The following ACTN1 variants were observed in gnomAD, a reference collection of about 807,000 sequenced individuals.
The protein encoded by ACTN1 is actinin alpha 1, also known as alpha-actinin-1.
A neutral mutation model predicts 119.6 loss-of-function variants in ACTN1; 30 were observed. That is an observed-to-expected ratio of 0.25 (90% CI 0.19 to 0.34). The LOEUF (loss-of-function observed/expected upper bound fraction) is 0.34. ACTN1 is among the 10% of genes least tolerant of loss of function. ACTN1 has a pLI of 1.00. For synonymous variants in ACTN1, 429 were observed against 472.6 expected, an observed-to-expected ratio of 0.91 and a Z score of 1.20; for missense variants, 764 against 1,223.4, an observed-to-expected ratio of 0.62 and a Z score of 5.60.
At chr14:68,948,701 C>T (rs749684352) in intron 1 of ACTN1, among the ~76,000 whole-genome samples, 1 of 152,166 alleles carries the variant, frequency 6.6e-6, no homozygotes, top group African/African-American at 2.4e-5. Context: ...TTCTCCAATG[C>T]CAAATCCCAA....
chr14:68,965,073 G>A (rs934481917), intron 1 of ACTN1, among the ~76,000 whole-genome samples: 6 of 152,164 alleles, frequency 3.9e-5, no homozygotes, highest in African/African-American at 1.4e-4. Flanking sequence ...AGGTGTTCTG[G>A]AGCCCACCTG....
chr14:68,974,440 T>C lies in ACTN1; in HGVS notation c.105+4512A>G, dbSNP rs192195003. ...TAAATTTAAAAATTTTAAACTATAATAGAAGAATGATAAGGGAGAATGGGA... is the reference window on the plus strand; with the variant it reads ...TAAATTTAAAAATTTTAAACTATAACAGAAGAATGATAAGGGAGAATGGGA... On this transcript the variant is annotated intron_variant, in intron 1 of 21. Transcript: ENST00000394419. 1.3e-3 allele frequency among the ~76,000 whole-genome samples: 196 copies of C among 152,138 alleles called. 4 individuals carry two copies. In the South Asian group the frequency reaches 0.021, roughly 16 times the overall value.
At position 68,885,773 on chromosome 14, in the gene ACTN1, C is replaced by A; in HGVS notation, c.1235-198G>T. 1 of 621,364 alleles carries A rather than the reference C, an allele frequency of 1.6e-6. No individual in the cohort carries two copies. Among genetic ancestry groups the A allele is most frequent in the Non-Finnish European group, 2.8e-6 (1 of 358,966 alleles). The allele number at this position is 621,364 out of a possible 1,614,324, so 38.5% of individuals were successfully genotyped here. On this transcript the variant is annotated intron_variant, in intron 11 of 21. Coordinates refer to ENST00000394419, the MANE Select transcript of ACTN1 (RefSeq NM_001130004.2). This position sits in a 1 kb window ranked among gnomAD's most constrained non-coding sequence, Gnocchi z 5.6. ...CCAACCGGCGCAACGGGGAAAAGCA[C>A]TCTCCTCAGAGCACTTCCAAGGCCA...
rs1410511565 is a variant in ACTN1, at chr14:68,878,839, G to A, written c.2361+150C>T. 1.3e-6 allele frequency: 2 copies of A among 1,594,930 alleles called. No homozygotes were observed. Among genetic ancestry groups the A allele is most frequent in the Admixed American group, 3.3e-5 (2 of 59,718 alleles). On this transcript the variant is annotated intron_variant, in intron 19 of 21. Coordinates refer to ENST00000394419, the MANE Select transcript of ACTN1 (RefSeq NM_001130004.2). The surrounding 1 kb of genome is among the most constrained non-coding windows in gnomAD (Gnocchi z 4.4). ...AGAGGGCAGAGGGTGGACCAGTGAT[G>A]GGGCAGACAGAGACAGCAGGAGAGG...
chr14:68,967,050 C>A (rs2036730175), intron 1 of ACTN1, among the ~76,000 whole-genome samples: 1 of 152,232 alleles, frequency 6.6e-6, no homozygotes. Context: ...ATTGGACGCA[C>A]CAGCTCAGAG....
At chr14:68,917,651 G>C (rs181521248) in intron 3 of ACTN1, among the ~76,000 whole-genome samples, 2 of 152,172 alleles carry the variant, frequency 1.3e-5, no homozygotes, top group East Asian at 3.8e-4. Context: ...TCAGCAGAGC[G>C]GCCATTGTGG....
chr14:68,966,170 T>C (rs557567106), intron 1 of ACTN1, among the ~76,000 whole-genome samples: 31 of 152,100 alleles, frequency 2.0e-4, no homozygotes, highest in Non-Finnish European at 3.7e-4. Flanking sequence ...TAAGCTGAGA[T>C]CATGCCACTG....
chr14:68,902,460 C>G lies in ACTN1; in HGVS notation c.762+17G>C, dbSNP rs772468485. 6.2e-7 allele frequency: 1 copy of G among 1,610,996 alleles called. No homozygotes were observed. The highest frequency in any genetic ancestry group is 1.7e-5 in the Admixed American group (1 of 59,954). ...GGAGGTGTGCTGGGCATGGAAGGAG[C>G]AGGGGGCCCCGGGTACCTTCTGGGC... is the stretch of plus-strand genomic sequence containing the variant. On this transcript the variant is annotated intron_variant, in intron 8 of 21. Transcript: ENST00000394419.
intron 10 of ACTN1, among the ~76,000 whole-genome samples, chr14:68,890,633 A>G (rs1303360719): frequency 2.0e-5 from 3 of 149,432 alleles, no homozygotes; most frequent in Admixed American, 6.7e-5. Flanking sequence ...GAGGTCACAC[A>G]TGTGCTAAGG....
intron 1 of ACTN1, 24 bp downstream of exon 1, chr14:68,978,926 TGC>T (rs1566689068): frequency 2.7e-6 from 4 of 1,479,530 alleles, no homozygotes; most frequent in Non-Finnish European, 3.7e-6. Context: ...GGCTGGGGGC[TGC>T]AGCGGGCGGG....
rs76874375 is a variant in ACTN1, at chr14:68,933,696, C to T, written c.106-8024G>A. On this transcript the variant is annotated intron_variant, in intron 1 of 21. Transcript: ENST00000394419. ...AATGAAGAAGAGACAGAAATCTGAA[C>T]TTATGCTGGGTGTAGTGGCTTATGC... is the stretch of plus-strand genomic sequence containing the variant. 6.9e-3 allele frequency among the ~76,000 whole-genome samples: 1,042 copies of T among 152,014 alleles called. 13 individuals carry two copies. Among genetic ancestry groups the T allele is most frequent in the African/African-American group, 0.024 (979 of 41,476 alleles).
chr14:68,971,499 T>C (rs1327398009), intron 1 of ACTN1, among the ~76,000 whole-genome samples: 2 of 152,304 alleles, frequency 1.3e-5, no homozygotes, highest in East Asian at 1.9e-4. Flanking sequence ...AATGGCTCCC[T>C]TTAAGAGTCA....
chr14:68,928,490 C>T (rs1373847729), intron 1 of ACTN1, among the ~76,000 whole-genome samples: 2 of 152,078 alleles, frequency 1.3e-5, no homozygotes, highest in African/African-American at 2.4e-5. Flanking sequence ...GGCTGTGACC[C>T]GGTGATCAAC....
At chr14:68,921,234 T>C in intron 2 of ACTN1, 109 bp from the exon 3 acceptor site, 1 of 1,387,716 alleles carries the variant, frequency 7.2e-7, no homozygotes, top group East Asian at 2.4e-5. Context: ...GGCAGAAGCA[T>C]GTGCATGTGT....
intron 1 of ACTN1, among the ~76,000 whole-genome samples, chr14:68,930,823 A>T (rs1252826009): frequency 6.6e-6 from 1 of 152,242 alleles, no homozygotes; most frequent in Admixed American, 6.5e-5. Flanking sequence ...CAACTGCAAT[A>T]ATTATCTATT....
intron 7 of ACTN1, 93 bp downstream of exon 7, chr14:68,904,562 G>C: frequency 8.6e-7 from 1 of 1,164,690 alleles, no homozygotes; most frequent in Non-Finnish European, 1.3e-6. Flanking sequence ...GCCTCCTCCC[G>C]TCCAGCCCCG....
chr14:68,896,507 T>C (rs2032893694), intron 8 of ACTN1, among the ~76,000 whole-genome samples: 1 of 152,190 alleles, frequency 6.6e-6, no homozygotes, highest in South Asian at 2.1e-4. Flanking sequence ...TTCTAGCTTT[T>C]TCCTCTCACA....
chr14:68,919,407 G>A (rs1225355586), intron 3 of ACTN1, among the ~76,000 whole-genome samples: 1 of 152,184 alleles, frequency 6.6e-6, no homozygotes, highest in Admixed American at 6.5e-5. Flanking sequence ...GGCTTCCCAC[G>A]CCTGCTTAGT....
At position 68,950,455 on chromosome 14, in the gene ACTN1, C is replaced by CATGTGTGTGT. The variant is rs141940950; in HGVS notation, c.106-24784_106-24783insACACACACAT. On this transcript the variant is annotated intron_variant, in intron 1 of 21. Coordinates refer to ENST00000394419, the MANE Select transcript of ACTN1 (RefSeq NM_001130004.2). ...TGTATCTTTTACCATAATATATATG[C>CATGTGTGTGT]GTGTGTGTATATATATATATATAAA... 2.4e-4 allele frequency among the ~76,000 whole-genome samples: 33 copies of CATGTGTGTGT among 137,622 alleles called. 1 individual carries two copies. Among genetic ancestry groups the CATGTGTGTGT allele is most frequent in the African/African-American group, 5.4e-4 (17 of 31,430 alleles). 90.3% of individuals were successfully genotyped at this position (137,622 alleles called of 152,430 possible).
Sources: gnomAD v4.1 joint callset for allele counts (sites outside exome capture counted in the v4.1 genomes callset) on GRCh38, gnomAD v4.1.1 for gene constraint, Gnocchi (gnomAD v3.1) non-coding constraint, MANE v1.5 for transcripts, NCBI Gene and HGNC (gene_info 2026-07-23, HGNC 2026-07-21) for gene names.